Variants in LARGE1 observed in about 807,000 individuals in gnomAD.
LARGE1 encodes LARGE xylosyl- and glucuronyltransferase 1, also known as xylosyl- and glucuronyltransferase LARGE1.
A neutral mutation model predicts 87.6 loss-of-function variants in LARGE1; 43 were observed. That is an observed-to-expected ratio of 0.49 (90% CI 0.38 to 0.63). The LOEUF is 0.63. LARGE1 is among the 30% of genes least tolerant of loss of function. The pLI, the probability that LARGE1 is intolerant of heterozygous loss-of-function variation, is 0.00. For missense variants in LARGE1, 802 were observed against 1,000.2 expected, an observed-to-expected ratio of 0.80 and a Z score of 2.67; for synonymous variants, 434 against 394.6, an observed-to-expected ratio of 1.10 and a Z score of -1.18.
intron 1 of LARGE1, among the ~76,000 whole-genome samples, chr22:33,870,672 G>C (rs956581690): frequency 1.3e-5 from 2 of 152,020 alleles, no homozygotes; most frequent in African/African-American, 4.8e-5. Flanking sequence ...GGGTTCCAGC[G>C]ATTCTCCTGC....
At chr22:33,374,480 G>T (rs1303819076) in intron 9 of LARGE1, among the ~76,000 whole-genome samples, 1 of 152,056 alleles carries the variant, frequency 6.6e-6, no homozygotes, top group Non-Finnish European at 1.5e-5. Flanking sequence ...AATCACTCTG[G>T]TTACATGAAT....
intron 2 of LARGE1, among the ~76,000 whole-genome samples, chr22:33,755,244 G>A (rs1458271321): frequency 6.6e-6 from 1 of 152,170 alleles, no homozygotes; most frequent in Non-Finnish European, 1.5e-5. Context: ...AGGGGTGCAG[G>A]CTGATATCAG....
chr22:33,527,043 G>A (rs1212363044), intron 6 of LARGE1, among the ~76,000 whole-genome samples: 1 of 152,184 alleles, frequency 6.6e-6, no homozygotes, highest in East Asian at 1.9e-4. Flanking sequence ...GATCACCTGA[G>A]GTCAGGAGTT....
chr22:33,337,424 C>T (rs867835008), intron 10 of LARGE1, among the ~76,000 whole-genome samples: 8 of 152,082 alleles, frequency 5.3e-5, no homozygotes, highest in African/African-American at 1.7e-4. Context: ...GACTTCACCT[C>T]GTCTGGACCA....
At chr22:33,258,920 C>A (rs1266629295) in intron 11 of LARGE1, among the ~76,000 whole-genome samples, 3 of 151,212 alleles carry the variant, frequency 2.0e-5, no homozygotes, top group Non-Finnish European at 2.9e-5. Flanking sequence ...CTCTGTCATC[C>A]AGGCTGGAGT....
At chr22:33,637,638 G>A (rs2149123417) in intron 3 of LARGE1, among the ~76,000 whole-genome samples, 1 of 152,298 alleles carries the variant, frequency 6.6e-6, no homozygotes, top group East Asian at 1.9e-4. Context: ...GGAAAAGCTA[G>A]CTGATATGTT....
chr22:33,390,750 G>A (rs572399276), intron 7 of LARGE1, among the ~76,000 whole-genome samples: 2 of 150,882 alleles, frequency 1.3e-5, no homozygotes, highest in Non-Finnish European at 3.0e-5. Flanking sequence ...AGTGCAGTGA[G>A]TGGCACGATC....
At chr22:33,428,341 G>C (rs1168561519) in intron 7 of LARGE1, among the ~76,000 whole-genome samples, 3 of 145,092 alleles carry the variant, frequency 2.1e-5, no homozygotes, top group African/African-American at 7.8e-5. Flanking sequence ...TTTTGAGACA[G>C]AGTCTCAGTC....
At chr22:33,457,994 A>T (rs2068210318) in intron 6 of LARGE1, among the ~76,000 whole-genome samples, 1 of 152,250 alleles carries the variant, frequency 6.6e-6, no homozygotes, top group South Asian at 2.1e-4. Context: ...AAATGAGGCT[A>T]ATAAAACCTA....
intron 4 of LARGE1, among the ~76,000 whole-genome samples, chr22:33,618,729 C>T (rs1328313546): frequency 1.3e-5 from 2 of 152,182 alleles, no homozygotes; most frequent in African/African-American, 2.4e-5. Flanking sequence ...AATGCCTAGG[C>T]AGAAAGGAAC....
At chr22:33,243,154 G>C (rs1279437869) in intron 11 of LARGE1, among the ~76,000 whole-genome samples, 1 of 152,196 alleles carries the variant, frequency 6.6e-6, no homozygotes, top group Admixed American at 6.5e-5. Flanking sequence ...GGGGGCAGTA[G>C]AGCTAATTCA....
chr22:33,454,624 A>G (rs1023071850), intron 6 of LARGE1, among the ~76,000 whole-genome samples: 1 of 150,566 alleles, frequency 6.6e-6, no homozygotes, highest in African/African-American at 2.5e-5. Context: ...TCTAAAAAAA[A>G]AAAAAAAAAA....
intron 4 of LARGE1, among the ~76,000 whole-genome samples, chr22:33,619,708 C>T (rs1602749191): frequency 6.6e-6 from 1 of 152,128 alleles, no homozygotes; most frequent in South Asian, 2.1e-4. Flanking sequence ...CCACGACTTA[C>T]CATCTTGTTC....
chr22:33,407,118 C>A (rs746249806), intron 7 of LARGE1, among the ~76,000 whole-genome samples: 64 of 152,220 alleles, frequency 4.2e-4, no homozygotes, highest in Admixed American at 4.6e-4. Flanking sequence ...ATATACTGAA[C>A]TCTATGCCTA....
intron 6 of LARGE1, among the ~76,000 whole-genome samples, chr22:33,433,951 A>G (rs915861741): frequency 2.6e-5 from 4 of 152,216 alleles, no homozygotes; most frequent in Non-Finnish European, 5.9e-5. Context: ...CCCCGGGCAC[A>G]AATACATAAA....
chr22:33,671,717 G>A (rs570294547), intron 2 of LARGE1, among the ~76,000 whole-genome samples: 69 of 152,258 alleles, frequency 4.5e-4, no homozygotes, highest in African/African-American at 1.5e-3. Context: ...CTTAAGCATC[G>A]TTTAAGATTT....
At chr22:33,362,289 A>C (rs1240543554) in intron 9 of LARGE1, among the ~76,000 whole-genome samples, 2 of 149,640 alleles carry the variant, frequency 1.3e-5, no homozygotes, top group African/African-American at 4.9e-5. Context: ...GGCATGGCTG[A>C]GAATGGGGCA....
chr22:33,587,914 A>T (rs1569293558), intron 5 of LARGE1, among the ~76,000 whole-genome samples: 1 of 152,118 alleles, frequency 6.6e-6, no homozygotes, highest in Non-Finnish European at 1.5e-5. Context: ...CCAAATCCTC[A>T]ATCACATTAA....
chr22:33,086,851 C>G, the LARGE1 span, among the ~76,000 whole-genome samples: 1 of 151,976 alleles, frequency 6.6e-6, no homozygotes. Context: ...AAACCCAGCC[C>G]CACTTTTTGT....
Sources: gnomAD v4.1 joint callset for allele counts (sites outside exome capture counted in the v4.1 genomes callset) on GRCh38, gnomAD v4.1.1 for gene constraint, MANE v1.5 for transcripts, NCBI Gene and HGNC (gene_info 2026-07-23, HGNC 2026-07-21) for gene names.